SEC63: variants seen among roughly 807,000 people sequenced by gnomAD.
SEC63 encodes translocation protein SEC63 homolog.
SEC63 carries 56 observed loss-of-function variants against 116.2 expected under a neutral mutation model. That is an observed-to-expected ratio of 0.48 (90% CI 0.39 to 0.60). The LOEUF is 0.60. Ranked by LOEUF, SEC63 falls within the 20% of genes least tolerant of loss-of-function variation. The pLI is 0.00. For synonymous variants in SEC63, 273 were observed against 294.6 expected (o/e 0.93, Z 0.75); for missense variants, 668 against 900.0 (o/e 0.74, Z 3.30).
At chr6:107,928,212 G>T (rs1240636688) in intron 2 of SEC63, among the ~76,000 whole-genome samples, 2 of 152,142 alleles carry the variant, frequency 1.3e-5, no homozygotes, top group Non-Finnish European at 1.5e-5. Flanking sequence ...CTCATGCAAG[G>T]TGGCTCACGC....
chr6:107,917,021 T>C (rs964774396), intron 4 of SEC63, among the ~76,000 whole-genome samples: 1 of 152,220 alleles, frequency 6.6e-6, no homozygotes, highest in Non-Finnish European at 1.5e-5. Flanking sequence ...ATGTTCATAA[T>C]GGCCCTAACA....
At chr6:107,892,394 C>T (rs1786704215) in intron 16 of SEC63, among the ~76,000 whole-genome samples, 1 of 152,132 alleles carries the variant, frequency 6.6e-6, no homozygotes, top group East Asian at 1.9e-4. Flanking sequence ...CTACCTTGCA[C>T]CATTAATGAA....
intron 4 of SEC63, among the ~76,000 whole-genome samples, chr6:107,918,701 AAAAC>A (rs1276617016): frequency 1.5e-4 from 22 of 151,498 alleles, no homozygotes; most frequent in African/African-American, 4.4e-4. Flanking sequence ...CAAAAAAAAA[AAAAC>A]AAAAAACAAA....
intron 13 of SEC63, 84 bp from the exon 14 acceptor site, chr6:107,897,815 A>C: frequency 5.7e-6 from 5 of 881,594 alleles, no homozygotes. Flanking sequence ...GCTTACCCAA[A>C]TTAGTTTGGC....
At position 107,897,689 on chromosome 6, in the gene SEC63, A is replaced by C; in HGVS notation, c.1400T>G (p.Leu467Ter). The C allele has an allele frequency of 2.5e-6, 4 of 1,607,158 alleles. No individual in the cohort carries two copies. Among genetic ancestry groups the C allele is most frequent in the Non-Finnish European group, 3.4e-6 (4 of 1,173,882 alleles). ...TGTCAACTTAACCAACACTGTAACT[A>C]AGGATCCTACTGTGATGTTGTTGCT... Reference protein sequence around the residue: ...EDSNNITVGSLVTVLVKLTRQ... With the variant: ...EDSNNITVGS Residue 467 changes from leucine (L) to a stop codon, truncating the protein, a stop_gained, in exon 14 of 21, where the codon TTA (leucine) becomes TGA (stop). Coordinates refer to ENST00000369002, the MANE Select transcript of SEC63 (RefSeq NM_007214.5). LOFTEE classifies it high-confidence loss of function.
intron 16 of SEC63, among the ~76,000 whole-genome samples, chr6:107,884,929 GA>G (rs66992618): frequency 0.86 from 126,148 of 147,026 alleles, 54,067 homozygotes; most frequent in Middle Eastern, 0.89. Context: ...GAAAAAAGTG[GA>G]AAAAAAAAAA....
intron 4 of SEC63, among the ~76,000 whole-genome samples, chr6:107,920,134 A>C (rs573166812): frequency 6.6e-6 from 1 of 152,026 alleles, no homozygotes; most frequent in South Asian, 2.1e-4. Context: ...TTTTTAAGAC[A>C]TAAGGCTGGC....
At chr6:107,889,216 G>A (rs186082209) in intron 16 of SEC63, among the ~76,000 whole-genome samples, 2 of 152,206 alleles carry the variant, frequency 1.3e-5, no homozygotes, top group East Asian at 1.9e-4. Context: ...AAACCATCTG[G>A]TCCTGGACTT....
intron 1 of SEC63, among the ~76,000 whole-genome samples, chr6:107,930,789 G>A (rs940922054): frequency 2.1e-4 from 31 of 150,388 alleles, no homozygotes; most frequent in African/African-American, 7.3e-4. Context: ...GAGGTCAGAA[G>A]TTAAAGACCA....
At chr6:107,904,751 T>A in intron 10 of SEC63, 30 bp from the exon 11 acceptor site, 1 of 1,497,600 alleles carries the variant, frequency 6.7e-7, no homozygotes, top group South Asian at 1.1e-5. Context: ...CTGAAACAGA[T>A]CATTTTAATT....
chr6:107,894,353 T>C (rs1053333393), intron 14 of SEC63, among the ~76,000 whole-genome samples: 1 of 152,182 alleles, frequency 6.6e-6, no homozygotes, highest in Non-Finnish European at 1.5e-5. Context: ...ATACTGCTTA[T>C]TGGACCTGAG....
intron 16 of SEC63, among the ~76,000 whole-genome samples, chr6:107,888,383 GCTCT>G (rs1288165945): frequency 4.6e-5 from 7 of 152,078 alleles, no homozygotes; most frequent in Non-Finnish European, 2.9e-5. Flanking sequence ...TCATGATTTG[GCTCT>G]CTGTTTGTAT....
Position 107,957,967 on chromosome 6 carries a change from A to C in SEC63, c.43T>G (p.Phe15Val). 6.2e-7 allele frequency: 1 copy of C among 1,613,454 alleles called. No homozygotes were observed. The highest frequency in any genetic ancestry group is 8.5e-7 in the Non-Finnish European group (1 of 1,179,594). The change falls in exon 1 of 21, where the codon TTC becomes GTC. Residue 15 changes from phenylalanine (F) to valine (V), a missense_variant. Transcript: ENST00000369002. ...QFQYDDSGNTFFYFLTSFVGL... is the reference protein window; with the variant it reads ...QFQYDDSGNTVFYFLTSFVGL... ...ACGAAGGAGGTGAGGAAGTAGAAGA[A>C]GGTGTTCCCACTGTCATCGTACTGG...
At chr6:107,934,438 C>T (rs1451402807) in intron 1 of SEC63, among the ~76,000 whole-genome samples, 7 of 150,738 alleles carry the variant, frequency 4.6e-5, no homozygotes, top group African/African-American at 4.9e-5. Flanking sequence ...TGAGAGTGCC[C>T]GGCCGCGACC....
chr6:107,876,415 CA>C, intron 19 of SEC63, 148 bp downstream of exon 19: 1 of 612,474 alleles, frequency 1.6e-6, no homozygotes, highest in Non-Finnish European at 2.9e-6. Flanking sequence ...GAGCTCACCC[CA>C]AAATAGAGAA....
At chr6:107,903,093 A>AT in intron 11 of SEC63, 95 bp from the exon 12 acceptor site, 1 of 1,215,926 alleles carries the variant, frequency 8.2e-7, no homozygotes, top group Non-Finnish European at 1.2e-6. Context: ...CACTAAATCC[A>AT]TAACACCTCA....
At chr6:107,926,657 TCCC>T (rs1401915583) in intron 2 of SEC63, among the ~76,000 whole-genome samples, 5 of 152,144 alleles carry the variant, frequency 3.3e-5, no homozygotes, top group African/African-American at 4.8e-5. Context: ...AAGAATTAAC[TCCC>T]CTTTTGTTTT....
rs557190642 is a variant in SEC63 at position 107,871,190 on chromosome 6, A to G, written c.*514T>C. 37 of 157,780 alleles carry G rather than the reference A, an allele frequency of 2.3e-4. No homozygotes were observed. The highest frequency in any genetic ancestry group is 4.5e-4 in the Non-Finnish European group (32 of 71,052). The allele number at this position is 157,780 out of a possible 1,614,324, so 9.8% of individuals were successfully genotyped here. ...ACTTATGACCAAGATAAGTAAAAAT[A>G]AAAGTTTAAATCTATGAGTGGAGCT... On this transcript the variant is annotated 3_prime_UTR_variant, in exon 21 of 21. Transcript: ENST00000369002.
At chr6:107,884,831 T>A (rs1396731537) in intron 16 of SEC63, among the ~76,000 whole-genome samples, 2 of 151,870 alleles carry the variant, frequency 1.3e-5, no homozygotes, top group Non-Finnish European at 2.9e-5. Flanking sequence ...TAAAAAGGAA[T>A]ACTAAGCTAT....
Sources: gnomAD v4.1 joint callset for allele counts (sites outside exome capture counted in the v4.1 genomes callset) on GRCh38, gnomAD v4.1.1 for gene constraint, MANE v1.5 for transcripts, NCBI Gene and HGNC (gene_info 2026-07-23, HGNC 2026-07-21) for gene names.